The following GRM5 variants were observed in gnomAD, a reference collection of about 807,000 sequenced individuals.
GRM5 encodes the protein metabotropic glutamate receptor 5.
In GRM5, 19 loss-of-function variants were observed where a neutral mutation model predicts 83.1. The ratio of observed to expected loss-of-function variants is 0.23; its 90% CI spans 0.16 to 0.34. The LOEUF (loss-of-function observed/expected upper bound fraction) is 0.34, where lower values mean the gene tolerates loss of function less well. GRM5 is among the 10% of genes least tolerant of loss of function. The pLI is 1.00. For missense variants in GRM5, 1,160 were observed against 1,588.3 expected, an observed-to-expected ratio of 0.73 and a Z score of 4.58; for synonymous variants, 675 against 633.6, an observed-to-expected ratio of 1.07 and a Z score of -0.98.
At chr11:88,972,422 C>T (rs574931398) in intron 2 of GRM5, among the ~76,000 whole-genome samples, 2 of 152,240 alleles carry the variant, frequency 1.3e-5, no homozygotes, top group African/African-American at 4.8e-5. Flanking sequence ...ACTGTTGAGC[C>T]ACTTTTTGTG....
At chr11:88,835,537 G>A (rs996801193) in intron 3 of GRM5, among the ~76,000 whole-genome samples, 1 of 152,068 alleles carries the variant, frequency 6.6e-6, no homozygotes, top group Middle Eastern at 3.2e-3. Flanking sequence ...GCCATGTAGT[G>A]TATGCCAAAT....
chr11:88,941,021 A>G (rs1590982091), intron 2 of GRM5, among the ~76,000 whole-genome samples: 1 of 152,012 alleles, frequency 6.6e-6, no homozygotes, highest in Middle Eastern at 3.4e-3. Flanking sequence ...ACAATGAAAC[A>G]ACCAAGAGGC....
chr11:88,507,966 G>A lies in GRM5; in HGVS notation c.*626C>T, dbSNP rs536459862. On this transcript the variant is annotated 3_prime_UTR_variant, in exon 10 of 10. Coordinates refer to ENST00000305447, the MANE Select transcript of GRM5 (RefSeq NM_001143831.3). The stretch of plus-strand genomic sequence containing the variant: ...GGAAAATCTCTGGTAGAAGCCCTAC[G>A]TAGTACATTAGCGCAGCACTCACTA... The A allele has an allele frequency of 6.6e-6, 1 of 152,624 alleles. No homozygotes were observed. The highest frequency in any genetic ancestry group is 1.5e-5 in the Non-Finnish European group (1 of 68,036). The allele number at this position is 152,624 out of a possible 1,614,324, so 9.5% of individuals were successfully genotyped here.
intron 1 of GRM5, among the ~76,000 whole-genome samples, chr11:89,064,888 C>CTCTCTCTCTCTCTGTGTGTG (rs1218318990): frequency 4.8e-5 from 3 of 62,266 alleles, no homozygotes; most frequent in African/African-American, 2.1e-4. Flanking sequence ...CTCTCTCTCT[C>CTCTCTCTCTCTCTGTGTGTG]TGTGTGTGTG....
chr11:88,883,837 C>G (rs900321985), intron 2 of GRM5, among the ~76,000 whole-genome samples: 1 of 152,178 alleles, frequency 6.6e-6, no homozygotes, highest in Non-Finnish European at 1.5e-5. Flanking sequence ...GCAACTTACA[C>G]ATGGTGTTGG....
intron 2 of GRM5, among the ~76,000 whole-genome samples, chr11:89,014,397 A>C (rs1401661652): frequency 6.6e-6 from 1 of 152,150 alleles, no homozygotes; most frequent in Non-Finnish European, 1.5e-5. Context: ...TGCTGAGCTG[A>C]GCTGAGCTTG....
At chr11:88,850,229 A>G in intron 2 of GRM5, 74 bp from the exon 3 acceptor site, 2 of 713,332 alleles carry the variant, frequency 2.8e-6, no homozygotes, top group Non-Finnish European at 4.8e-6. Flanking sequence ...ATCAGAATGC[A>G]GGTGTTAGGA....
intron 2 of GRM5, among the ~76,000 whole-genome samples, chr11:88,899,990 A>G (rs1806299905): frequency 1.3e-5 from 2 of 152,148 alleles, no homozygotes; most frequent in Admixed American, 1.3e-4. Flanking sequence ...AAGATATATT[A>G]GGAATAACTA....
At chr11:88,749,935 A>T (rs1942229174) in intron 3 of GRM5, among the ~76,000 whole-genome samples, 1 of 152,164 alleles carries the variant, frequency 6.6e-6, no homozygotes, top group African/African-American at 2.4e-5. Context: ...CTCCTGAAGG[A>T]AGCACTAAAT....
chr11:88,995,598 C>G (rs1940160891), intron 2 of GRM5, among the ~76,000 whole-genome samples: 1 of 138,654 alleles, frequency 7.2e-6, no homozygotes, highest in African/African-American at 2.7e-5. Context: ...GTATAAGGTA[C>G]TGAAGTGGTG....
At chr11:88,633,967 A>G (rs1405680150) in intron 4 of GRM5, among the ~76,000 whole-genome samples, 1 of 152,220 alleles carries the variant, frequency 6.6e-6, no homozygotes, top group African/African-American at 2.4e-5. Flanking sequence ...TACATAAGCT[A>G]TATGATATAG....
chr11:88,712,300 A>G (rs1156634581), intron 3 of GRM5, among the ~76,000 whole-genome samples: 1 of 152,036 alleles, frequency 6.6e-6, no homozygotes, highest in African/African-American at 2.4e-5. Context: ...CGTCTCCAGG[A>G]CATCCCATAT....
chr11:88,649,470 C>A (rs1439550458), intron 4 of GRM5, among the ~76,000 whole-genome samples: 3 of 140,916 alleles, frequency 2.1e-5, no homozygotes, highest in Non-Finnish European at 4.6e-5. Flanking sequence ...TACATATATA[C>A]TATATATAAT....
rs115263799 is a variant in GRM5 at position 89,004,990 on chromosome 11, A to C, written c.661+42222T>G. ...GTTACATGCAATTGAAAACTCAATG[A>C]TTCCACCTCCAAAACTGGAATACAT... is the stretch of plus-strand genomic sequence containing the variant. On this transcript the variant is annotated intron_variant, in intron 2 of 9. Coordinates refer to ENST00000305447, the MANE Select transcript of GRM5 (RefSeq NM_001143831.3). 7.5e-3 allele frequency among the ~76,000 whole-genome samples: 1,136 copies of C among 152,294 alleles called. 13 individuals carry two copies. Among genetic ancestry groups the C allele is most frequent in the Middle Eastern group, 0.024 (7 of 294 alleles).
At chr11:89,005,142 G>T in intron 2 of GRM5, among the ~76,000 whole-genome samples, 1 of 152,168 alleles carries the variant, frequency 6.6e-6, no homozygotes, top group Non-Finnish European at 1.5e-5. Flanking sequence ...TTGGATTTAT[G>T]CTGACAAGTA....
At chr11:88,706,924 ATTTAAG>A (rs1941173369) in intron 3 of GRM5, among the ~76,000 whole-genome samples, 2 of 152,076 alleles carry the variant, frequency 1.3e-5, no homozygotes, top group African/African-American at 4.8e-5. Flanking sequence ...ACGATCTTAT[ATTTAAG>A]TTTATTGCTG....
intron 2 of GRM5, among the ~76,000 whole-genome samples, chr11:88,948,290 T>C (rs1196983796): frequency 1.3e-5 from 2 of 152,344 alleles, no homozygotes; most frequent in Admixed American, 6.5e-5. Flanking sequence ...GAATCAGCTA[T>C]TGGTATTCAA....
At chr11:88,836,272 T>C (rs1015156208) in intron 3 of GRM5, among the ~76,000 whole-genome samples, 6 of 152,196 alleles carry the variant, frequency 3.9e-5, no homozygotes, top group African/African-American at 1.4e-4. Flanking sequence ...AAAGCAGCCA[T>C]AGACATTATG....
At chr11:88,882,248 G>GTAAATAAATACA (rs1555033919) in intron 2 of GRM5, among the ~76,000 whole-genome samples, 2 of 143,924 alleles carry the variant, frequency 1.4e-5, no homozygotes, top group Non-Finnish European at 3.0e-5. Context: ...AAATAAGTAA[G>GTAAATAAATACA]TAAATAAATA....
Sources: allele counts gnomAD v4.1 joint callset (sites outside exome capture counted in the v4.1 genomes callset), GRCh38; gene constraint gnomAD v4.1.1; transcripts MANE v1.5; gene names NCBI Gene and HGNC (gene_info 2026-07-23, HGNC 2026-07-21).